FSTL1: variants seen among roughly 807,000 people sequenced by gnomAD.
The protein encoded by FSTL1 is follistatin like 1, also known as follistatin-related protein 1.
A neutral mutation model predicts 45.9 loss-of-function variants in FSTL1; 24 were observed. That is an observed-to-expected ratio of 0.52 (90% confidence interval 0.38 to 0.74). The LOEUF (loss-of-function observed/expected upper bound fraction) is 0.74. FSTL1 is among the 30% of genes least tolerant of loss of function. The pLI, the probability that FSTL1 is intolerant of heterozygous loss-of-function variation, is 0.00. For synonymous variants in FSTL1, 120 were observed against 137.6 expected (o/e 0.87, Z 0.89); for missense variants, 340 against 381.8 (o/e 0.89, Z 0.91).
chr3:120,435,075 C>T (rs1007747079), intron 2 of FSTL1, among the ~76,000 whole-genome samples: 9 of 151,954 alleles, frequency 5.9e-5, no homozygotes, highest in African/African-American at 9.7e-5. Context: ...AAAAATTAGC[C>T]GGGCGTGGTT....
Position 120,395,753 on chromosome 3 carries a change from T to G in FSTL1, c.*1199A>C, listed in dbSNP as rs1291871728. The G allele has an allele frequency of 5.6e-6, 3 of 532,442 alleles. No homozygotes were observed. Among genetic ancestry groups the G allele is most frequent in the Non-Finnish European group, 1.2e-5 (3 of 259,720 alleles). The allele number at this position is 532,442 out of a possible 1,614,324, so 33.0% of individuals were successfully genotyped here. A position where few individuals can be genotyped will look rare whatever the true frequency, so the allele number is the denominator to read the frequency against. ...GATCAGAACCACAGAATTTATAACT[T>G]ATCAAATCAAAAGGTTAGTGCATTC... is the stretch of plus-strand genomic sequence containing the variant. On this transcript the variant is annotated 3_prime_UTR_variant, in exon 11 of 11. Transcript: ENST00000295633.
chr3:120,442,788 GAA>G (rs749297340), intron 2 of FSTL1, among the ~76,000 whole-genome samples: 788 of 53,224 alleles, frequency 0.015, 4 homozygotes, highest in South Asian at 0.029. Context: ...TCTCAAAAAA[GAA>G]AAAAAAAAAA....
chr3:120,420,943 A>G (rs551318545), intron 2 of FSTL1, among the ~76,000 whole-genome samples: 1 of 152,368 alleles, frequency 6.6e-6, no homozygotes, highest in South Asian at 2.1e-4. Context: ...AAGGTCTTAA[A>G]AAATGGAAAT....
intron 9 of FSTL1, among the ~76,000 whole-genome samples, chr3:120,400,937 C>T (rs1407370059): frequency 6.6e-6 from 1 of 152,158 alleles, no homozygotes; most frequent in Non-Finnish European, 1.5e-5. Flanking sequence ...ATGAGCAGCC[C>T]ATAGCTGAGT....
At chr3:120,430,537 C>G (rs890788396) in intron 2 of FSTL1, among the ~76,000 whole-genome samples, 6 of 152,166 alleles carry the variant, frequency 3.9e-5, no homozygotes, top group African/African-American at 7.2e-5. Context: ...CTCTACAGGT[C>G]CCCTGGATTT....
chr3:120,419,494 G>A (rs754181548), intron 2 of FSTL1: 6 of 152,152 alleles, frequency 3.9e-5, no homozygotes, highest in Non-Finnish European at 5.9e-5. Context: ...GATTCTGAGT[G>A]GGGGAAAAGA....
chr3:120,399,655 A>G (rs749198345), intron 10 of FSTL1, among the ~76,000 whole-genome samples: 2 of 152,102 alleles, frequency 1.3e-5, no homozygotes, highest in Non-Finnish European at 2.9e-5. Flanking sequence ...GCAGCCACTC[A>G]CCGAGCTGTA....
At chr3:120,411,734 C>T in intron 4 of FSTL1, 120 bp downstream of exon 4, 1 of 921,804 alleles carries the variant, frequency 1.1e-6, no homozygotes, top group Non-Finnish European at 1.7e-6. Flanking sequence ...TGGGCGCTTT[C>T]CACAGCTTTG....
Position 120,395,390 on chromosome 3 carries a change from TCA to T in FSTL1, c.*1560_*1561del. The T allele has an allele frequency of 6.1e-6, 2 of 327,266 alleles. No individual in the cohort carries two copies. The highest frequency in any genetic ancestry group is 5.2e-5 in the South Asian group (2 of 38,406). 20.3% of individuals were successfully genotyped at this position (327,266 alleles called of 1,614,324 possible). On this transcript the variant is annotated 3_prime_UTR_variant, in exon 11 of 11. Coordinates refer to ENST00000295633, the MANE Select transcript of FSTL1 (RefSeq NM_007085.5). The stretch of plus-strand genomic sequence containing the variant: ...ACTGTAAATGACTGACCTCCCCAAG[TCA>T]CAGTTTTAGGATTAAATCTCCATTT...
At chr3:120,401,944 C>T (rs889606008) in intron 9 of FSTL1, among the ~76,000 whole-genome samples, 11 of 152,192 alleles carry the variant, frequency 7.2e-5, no homozygotes, top group Non-Finnish European at 1.6e-4. Context: ...GGCAATTCTC[C>T]GTTGCAGACC....
intron 2 of FSTL1, among the ~76,000 whole-genome samples, chr3:120,422,578 A>G (rs1329893414): frequency 3.9e-5 from 6 of 152,230 alleles, no homozygotes; most frequent in Non-Finnish European, 1.5e-5. Flanking sequence ...CAACAGTGGC[A>G]CTTCGGATGT....
At chr3:120,420,382 T>A (rs976446881) in intron 2 of FSTL1, among the ~76,000 whole-genome samples, 1 of 152,154 alleles carries the variant, frequency 6.6e-6, no homozygotes, top group African/African-American at 2.4e-5. Context: ...AGGGTGTGTT[T>A]TGGAAGTGTG....
intron 8 of FSTL1, 81 bp from the exon 9 acceptor site, chr3:120,402,999 C>A: frequency 2.1e-6 from 2 of 940,564 alleles, no homozygotes; most frequent in Non-Finnish European, 3.5e-6. Context: ...TGCACCTTAC[C>A]CTTTTTTCCC....
intron 2 of FSTL1, chr3:120,421,545 G>C (rs1937279565): frequency 1.3e-5 from 2 of 152,442 alleles, no homozygotes; most frequent in Non-Finnish European, 2.9e-5. Flanking sequence ...GAACCCAGTA[G>C]CACAGGCCTG....
chr3:120,425,089 TCAGAAAAGGCACCTTTCTCTC>T (rs1937354068), intron 2 of FSTL1, among the ~76,000 whole-genome samples: 8 of 151,906 alleles, frequency 5.3e-5, no homozygotes, highest in Non-Finnish European at 1.0e-4. Context: ...TCTGTGCAAA[TCAGAAAAGGCACCTTTCTCTC>T]CAGGAGATGC....
Position 120,402,823 on chromosome 3 carries a change from C to T in FSTL1, c.790G>A (p.Ala264Thr). Reference sequence around the variant, plus strand: ...CACAGCTCACCGTCACAGGTCATGGCTGTACAGACCCAATTTCCACAGGCA... The same window carrying T: ...CACAGCTCACCGTCACAGGTCATGGTTGTACAGACCCAATTTCCACAGGCA... ...VCACGNWVCT[A>T]MTCDGKNQKG... is the part of the protein sequence containing the mutation. The change falls in exon 9 of 11, where the codon GCC (alanine) becomes ACC (threonine). Residue 264 changes from alanine to threonine, a missense_variant. Ala to Thr is a moderately conservative substitution (Grantham distance 58). Coordinates refer to ENST00000295633, the MANE Select transcript of FSTL1 (RefSeq NM_007085.5). 1 of 1,599,400 alleles carries T rather than the reference C, an allele frequency of 6.3e-7. No individual in the cohort carries two copies. Among genetic ancestry groups the T allele is most frequent in the African/African-American group, 1.3e-5 (1 of 74,710 alleles).
At chr3:120,420,697 A>G (rs768634450) in intron 2 of FSTL1, among the ~76,000 whole-genome samples, 1 of 152,186 alleles carries the variant, frequency 6.6e-6, no homozygotes, top group Admixed American at 6.5e-5. Context: ...CTGTAATTTT[A>G]CTGTCATTTT....
chr3:120,416,319 G>C (rs1171474039), intron 2 of FSTL1, among the ~76,000 whole-genome samples: 1 of 152,142 alleles, frequency 6.6e-6, no homozygotes, highest in East Asian at 1.9e-4. Context: ...AAAAATGCTT[G>C]TTGAGCACCA....
At position 120,394,893 on chromosome 3, in the gene FSTL1, C is replaced by G. The variant is rs982785323; in HGVS notation, c.*2059G>C. ...AGGGTAGAGTAGTCTTGGATGATAACCATGTTCTAAATGACTAGTGAAGAG... is the reference window on the plus strand; with the variant it reads ...AGGGTAGAGTAGTCTTGGATGATAAGCATGTTCTAAATGACTAGTGAAGAG... On this transcript the variant is annotated 3_prime_UTR_variant, in exon 11 of 11. Transcript: ENST00000295633. The G allele has an allele frequency of 6.6e-6, 1 of 152,196 alleles. No homozygotes were observed. The highest frequency in any genetic ancestry group is 1.5e-5 in the Non-Finnish European group (1 of 68,054). 9.4% of individuals were successfully genotyped at this position (152,196 alleles called of 1,614,324 possible).
Sources: allele counts gnomAD v4.1 joint callset (sites outside exome capture counted in the v4.1 genomes callset), GRCh38; gene constraint gnomAD v4.1.1; transcripts MANE v1.5; gene names NCBI Gene and HGNC (gene_info 2026-07-23, HGNC 2026-07-21).